MYO3A: variants seen among roughly 807,000 people sequenced by gnomAD.
MYO3A encodes myosin IIIA.
Under a neutral mutation model 192.7 loss-of-function variants are expected in MYO3A, and 180 were observed. The observed-to-expected ratio is 0.93, with a 90% CI of 0.83 to 1.06. The LOEUF (loss-of-function observed/expected upper bound fraction) is 1.06, where lower values mean the gene tolerates loss of function less well. Ranked by LOEUF, MYO3A falls within the 50% of genes least tolerant of loss-of-function variation. The pLI is 0.00. For synonymous variants in MYO3A, 628 were observed against 645.3 expected (o/e 0.97, Z 0.41); for missense variants, 1,896 against 1,905.0 (o/e 1.00, Z 0.09).
intron 2 of MYO3A, among the ~76,000 whole-genome samples, chr10:25,941,780 T>C (rs1836504878): frequency 6.6e-6 from 1 of 152,168 alleles, no homozygotes; most frequent in Non-Finnish European, 1.5e-5. Context: ...TTACCCCAGC[T>C]GCTAGCAACC....
At position 25,980,185 on chromosome 10, in the gene MYO3A, C is replaced by T. The variant is rs559901241; in HGVS notation, c.304-16305C>T. 1.5e-4 allele frequency among the ~76,000 whole-genome samples: 22 copies of T among 150,378 alleles called. 1 individual carries two copies. In the South Asian group the frequency reaches 4.2e-3, roughly 29 times the overall value. The stretch of plus-strand genomic sequence containing the variant: ...CTGGGAGGTGGAGCTTGCAGTGAGC[C>T]GAGATCGCACCACTGCACTCCAGCC... On this transcript the variant is annotated intron_variant, in intron 4 of 34. Coordinates refer to ENST00000642920, the MANE Select transcript of MYO3A (RefSeq NM_017433.5).
rs1836398242 is a variant in MYO3A, at chr10:25,940,293, A to G, written c.-18+4463A>G. ...TTTTTTAATTGAATGACTTTTGTAA[A>G]GTCAGGTTTTTTTTTTCTGCTAATA... On this transcript the variant is annotated intron_variant, in intron 2 of 34. Transcript: ENST00000642920. Among the ~76,000 whole-genome samples, 3 of 151,170 alleles carry G rather than the reference A, an allele frequency of 2.0e-5. No individual in the cohort carries two copies. The South Asian group carries it at 6.2e-4, about 31-fold the overall frequency.
chr10:26,097,775 C>G (rs537398265), intron 17 of MYO3A, among the ~76,000 whole-genome samples: 2 of 152,150 alleles, frequency 1.3e-5, no homozygotes, highest in Non-Finnish European at 2.9e-5. Flanking sequence ...TTTTCTTAAT[C>G]CAGTCTATCA....
At position 26,147,459 on chromosome 10, in the gene MYO3A, C is replaced by T. The variant is rs754329721; in HGVS notation, c.2535C>T (p.Ala845=). 1.9e-6 allele frequency: 3 copies of T among 1,613,798 alleles called. No individual in the cohort carries two copies. The South Asian group carries it at 3.3e-5, about 18-fold the overall frequency. ...KVLYNASGFL[A]KNRDTLPTDI... ...TCTATAATGCAAGTGGATTCTTAGCCAAAAACAGAGACACTCTTCCTACTG... is the reference window on the plus strand; with the variant it reads ...TCTATAATGCAAGTGGATTCTTAGCTAAAAACAGAGACACTCTTCCTACTG... Residue 845 remains alanine, a synonymous_variant, in exon 23 of 35, where the codon GCC becomes GCT. Coordinates refer to ENST00000642920, the MANE Select transcript of MYO3A (RefSeq NM_017433.5).
intron 20 of MYO3A, among the ~76,000 whole-genome samples, chr10:26,140,042 T>C (rs1840061687): frequency 6.6e-6 from 1 of 151,998 alleles, no homozygotes; most frequent in Admixed American, 6.5e-5. Flanking sequence ...GAGTGACCAG[T>C]TAAGGAAGGG....
chr10:26,015,754 C>A (rs1387128924), intron 6 of MYO3A, among the ~76,000 whole-genome samples: 1 of 151,248 alleles, frequency 6.6e-6, no homozygotes, highest in East Asian at 1.9e-4. Flanking sequence ...TTTAATGTTA[C>A]ACTCCTCACT....
At chr10:26,094,043 A>G (rs187231852) in intron 15 of MYO3A, among the ~76,000 whole-genome samples, 161 of 152,322 alleles carry the variant, frequency 1.1e-3, no homozygotes, top group African/African-American at 3.7e-3. Context: ...AATACTAACA[A>G]GGAAGACCAG....
At chr10:26,204,696 C>T (rs1843830377) in intron 34 of MYO3A, among the ~76,000 whole-genome samples, 1 of 152,154 alleles carries the variant, frequency 6.6e-6, no homozygotes, top group Non-Finnish European at 1.5e-5. Context: ...GAGTTGATGG[C>T]CTTAACCATT....
chr10:26,114,823 A>G (rs1399429704), intron 17 of MYO3A, among the ~76,000 whole-genome samples: 3 of 152,238 alleles, frequency 2.0e-5, no homozygotes, highest in African/African-American at 7.2e-5. Flanking sequence ...AATCTGATAG[A>G]AGAAATATAC....
intron 14 of MYO3A, among the ~76,000 whole-genome samples, chr10:26,084,682 G>A (rs969352058): frequency 4.6e-5 from 7 of 151,982 alleles, no homozygotes; most frequent in Non-Finnish European, 8.8e-5. Context: ...TTTATAATTC[G>A]TTGTACAGAT....
At chr10:26,156,697 T>A (rs1047204373) in intron 25 of MYO3A, among the ~76,000 whole-genome samples, 10 of 152,228 alleles carry the variant, frequency 6.6e-5, no homozygotes, top group South Asian at 2.1e-4. Context: ...CCCTTTTTTT[T>A]AATTGTATTT....
intron 31 of MYO3A, among the ~76,000 whole-genome samples, chr10:26,179,292 T>A (rs527646581): frequency 6.6e-6 from 1 of 151,562 alleles, no homozygotes; most frequent in Admixed American, 6.6e-5. Context: ...TATTAGAGAC[T>A]GGGTTTTACC....
At chr10:26,146,841 G>T (rs1840491885) in intron 22 of MYO3A, among the ~76,000 whole-genome samples, 1 of 124,082 alleles carries the variant, frequency 8.1e-6, no homozygotes, top group African/African-American at 2.9e-5. Flanking sequence ...GGCTAGGCAT[G>T]GTGGCTCACG....
At chr10:26,185,713 C>G (rs985672809) in intron 31 of MYO3A, among the ~76,000 whole-genome samples, 1 of 151,928 alleles carries the variant, frequency 6.6e-6, no homozygotes, top group Non-Finnish European at 1.5e-5. Context: ...CCCCTCTGTT[C>G]CTTTTCTCAA....
chr10:26,000,139 C>T (rs927899012), intron 6 of MYO3A, among the ~76,000 whole-genome samples: 1 of 152,144 alleles, frequency 6.6e-6, no homozygotes, highest in Non-Finnish European at 1.5e-5. Flanking sequence ...TCCTTATGAT[C>T]CTCCGTGCTG....
intron 10 of MYO3A, among the ~76,000 whole-genome samples, chr10:26,042,130 A>G (rs1016122058): frequency 1.1e-4 from 17 of 152,146 alleles, no homozygotes; most frequent in Non-Finnish European, 8.8e-5. Flanking sequence ...AGCACTTTAC[A>G]TATGTCATGC....
rs11527766 is a variant in MYO3A, at chr10:26,080,689, G to C, written c.1360-7514G>C. On this transcript the variant is annotated intron_variant, in intron 14 of 34. Transcript: ENST00000642920. ...CTTTTTATTTGGGTAGGCTCTATCAGAGGGAAAGTCTAGGGCTGAAGGCTG... is the reference window on the plus strand; with the variant it reads ...CTTTTTATTTGGGTAGGCTCTATCACAGGGAAAGTCTAGGGCTGAAGGCTG... 7.6e-4 allele frequency among the ~76,000 whole-genome samples: 116 copies of C among 152,168 alleles called. 1 individual carries two copies. The highest frequency in any genetic ancestry group is 3.4e-3 in the Middle Eastern group (1 of 294).
chr10:25,943,910 T>C (rs564929618), intron 2 of MYO3A, among the ~76,000 whole-genome samples: 1 of 152,108 alleles, frequency 6.6e-6, no homozygotes, highest in South Asian at 2.1e-4. Flanking sequence ...CTTGCCTGAT[T>C]GCTCTGACTG....
chr10:26,157,750 G>A (rs758970395), intron 26 of MYO3A, among the ~76,000 whole-genome samples: 27 of 152,318 alleles, frequency 1.8e-4, no homozygotes, highest in Admixed American at 9.8e-4. Flanking sequence ...GTGAGCTTCT[G>A]TACTGAGGAG....
Sources: gnomAD v4.1 joint callset for allele counts (sites outside exome capture counted in the v4.1 genomes callset) on GRCh38, gnomAD v4.1.1 for gene constraint, MANE v1.5 for transcripts, NCBI Gene and HGNC (gene_info 2026-07-23, HGNC 2026-07-21) for gene names.